NTRK2: variants seen among roughly 807,000 people sequenced by gnomAD.
The protein encoded by NTRK2 is neurotrophic receptor tyrosine kinase 2.
A neutral mutation model predicts 94.5 loss-of-function variants in NTRK2; 13 were observed. The observed-to-expected ratio is 0.14, with a 90% CI of 0.09 to 0.22. The LOEUF (loss-of-function observed/expected upper bound fraction) is 0.22, where lower values mean the gene tolerates loss of function less well. NTRK2 is among the 10% of genes least tolerant of loss of function. The probability of loss-of-function intolerance (pLI) is 1.00; values close to 1 mark genes in which losing one functional copy is unlikely to be tolerated. For synonymous variants in NTRK2, 372 were observed against 407.4 expected, an observed-to-expected ratio of 0.91 and a Z score of 1.05; for missense variants, 639 against 1,071.2, an observed-to-expected ratio of 0.60 and a Z score of 5.63.
intron 14 of NTRK2, 105 bp from the exon 15 acceptor site, chr9:84,934,057 A>G: frequency 8.1e-7 from 1 of 1,239,808 alleles, no homozygotes. Context: ...CACAGAGGAG[A>G]GACTCTTGGG....
At chr9:84,876,141 C>A (rs568362282) in intron 14 of NTRK2, 2 of 1,039,386 alleles carry the variant, frequency 1.9e-6, no homozygotes, top group South Asian at 4.6e-5. Context: ...TAAAGTGGAA[C>A]CCAAGCTCCT....
At chr9:85,009,752 A>C (rs1215805876) in intron 17 of NTRK2, among the ~76,000 whole-genome samples, 2 of 152,178 alleles carry the variant, frequency 1.3e-5, no homozygotes, top group African/African-American at 4.8e-5. Flanking sequence ...CATATATCAG[A>C]GATAGCAGAA....
At chr9:85,005,929 G>C (rs1830913010) in intron 17 of NTRK2, among the ~76,000 whole-genome samples, 1 of 152,168 alleles carries the variant, frequency 6.6e-6, no homozygotes, top group African/African-American at 2.4e-5. Context: ...CCTAGTATTT[G>C]TTTATTTACA....
At chr9:84,960,527 A>G (rs1564504692) in intron 17 of NTRK2, among the ~76,000 whole-genome samples, 1 of 152,168 alleles carries the variant, frequency 6.6e-6, no homozygotes, top group African/African-American at 2.4e-5. Context: ...AGGTAGGTGG[A>G]TGGATGGATG....
intron 14 of NTRK2, among the ~76,000 whole-genome samples, chr9:84,892,699 A>G (rs2076630411): frequency 6.6e-6 from 1 of 152,190 alleles, no homozygotes; most frequent in Non-Finnish European, 1.5e-5. Flanking sequence ...GGCAGGTGGA[A>G]CACCTGAGGT....
intron 17 of NTRK2, among the ~76,000 whole-genome samples, chr9:84,994,736 A>G (rs1025464418): frequency 2.0e-5 from 3 of 152,164 alleles, no homozygotes; most frequent in African/African-American, 7.2e-5. Context: ...CAGAATGGTC[A>G]TGTATTTGCT....
At chr9:84,901,268 A>T (rs551790150) in intron 14 of NTRK2, among the ~76,000 whole-genome samples, 1 of 143,062 alleles carries the variant, frequency 7.0e-6, no homozygotes, top group East Asian at 2.0e-4. Context: ...TGTCACCCAG[A>T]CTGAAGTGCA....
At chr9:84,766,884 C>T (rs970829175) in intron 12 of NTRK2, among the ~76,000 whole-genome samples, 2 of 152,118 alleles carry the variant, frequency 1.3e-5, no homozygotes, top group African/African-American at 4.8e-5. Flanking sequence ...CACACACATA[C>T]ACACAAGACC....
chr9:84,873,980 A>G (rs1336066463), intron 14 of NTRK2: 1 of 1,063,232 alleles, frequency 9.4e-7, no homozygotes, highest in African/African-American at 1.6e-5. Flanking sequence ...TCCTGCACAT[A>G]TCAGACATTT....
At position 84,793,518 on chromosome 9, in the gene NTRK2, C is replaced by T. The variant is rs571009506; in HGVS notation, c.1396+41433C>T. On this transcript the variant is annotated intron_variant, in intron 12 of 18. Coordinates refer to ENST00000277120, the MANE Select transcript of NTRK2 (RefSeq NM_006180.6). Reference sequence around the variant, plus strand: ...CCACCTGGAATCTTCCCAACCGAGTCCCACAAACACCTCACTGCCTCAGCC... The same window carrying T: ...CCACCTGGAATCTTCCCAACCGAGTTCCACAAACACCTCACTGCCTCAGCC... Among the ~76,000 whole-genome samples, 29 of 152,274 alleles carry T rather than the reference C, an allele frequency of 1.9e-4. No individual in the cohort carries two copies. In the South Asian group the frequency reaches 6.0e-3, roughly 32 times the overall value.
chr9:85,004,053 G>GAAAGAAAGAAA, intron 17 of NTRK2, among the ~76,000 whole-genome samples: 1 of 64,900 alleles, frequency 1.5e-5, no homozygotes, highest in Admixed American at 1.6e-4. Flanking sequence ...AAGGGAGAAA[G>GAAAGAAAGAAA]AGAAAGAAAG....
chr9:84,735,833 C>T (rs534592933), intron 9 of NTRK2, among the ~76,000 whole-genome samples: 22 of 152,348 alleles, frequency 1.4e-4, no homozygotes, highest in Non-Finnish European at 2.8e-4. Flanking sequence ...AAAATCCCTT[C>T]ATGAACCAGA....
At chr9:84,812,774 A>G in intron 12 of NTRK2, 1 of 1,040,272 alleles carries the variant, frequency 9.6e-7, no homozygotes, top group Non-Finnish European at 1.2e-6. Context: ...GAAAAATAAA[A>G]AAAAAGGAAT....
chr9:84,818,799 G>A lies in NTRK2; in HGVS notation c.1397-42241G>A, dbSNP rs186623792. ...CGAGTGGAAAGGGCCTGGTGGGAAG[G>A]GGTGTGGAGGACACGTCCTGCCATC... On this transcript the variant is annotated intron_variant, in intron 12 of 18. Transcript: ENST00000277120. Among the ~76,000 whole-genome samples the A allele has an allele frequency of 5.3e-4, 80 of 152,312 alleles. 1 individual carries two copies. The highest frequency in any genetic ancestry group is 1.9e-3 in the African/African-American group (78 of 41,564).
chr9:84,875,122 T>A (rs1381741192), intron 14 of NTRK2: 4 of 1,060,350 alleles, frequency 3.8e-6, no homozygotes, highest in Non-Finnish European at 4.6e-6. Flanking sequence ...CTTGTGGATA[T>A]CCTTTTAATC....
intron 14 of NTRK2, chr9:84,877,488 T>C: frequency 9.4e-7 from 1 of 1,066,378 alleles, no homozygotes; most frequent in African/African-American, 1.6e-5. Flanking sequence ...CATCTGTGTA[T>C]TACTGTGATT....
chr9:84,919,224 GT>G (rs775851352), intron 14 of NTRK2, among the ~76,000 whole-genome samples: 2 of 152,062 alleles, frequency 1.3e-5, no homozygotes, highest in Non-Finnish European at 2.9e-5. Flanking sequence ...AGACCCTTTT[GT>G]GTCTATAAAG....
rs556359561 is a variant in NTRK2 at position 84,746,550 on chromosome 9, G to T, written c.1296+1477G>T. Among the ~76,000 whole-genome samples the T allele has an allele frequency of 5.1e-4, 78 of 152,198 alleles. 1 individual carries two copies. The Middle Eastern group carries it at 0.024, about 46-fold the overall frequency. ...ATTTTTTTTGTTGTTATAATTCTCA[G>T]AGTCCTCTCACTGCAATTGCAATAA... On this transcript the variant is annotated intron_variant, in intron 11 of 18. Coordinates refer to ENST00000277120, the MANE Select transcript of NTRK2 (RefSeq NM_006180.6).
In NTRK2 at chr9:84,862,014, C is replaced by A. The variant is rs117526040; in HGVS notation, c.1444+927C>A. ...GTCAGACCTTGTCTTGTTGGGCAGT[C>A]TCTATCACTGTCTGTCCAGTGATCC... is the stretch of plus-strand genomic sequence containing the variant. On this transcript the variant is annotated intron_variant, in intron 13 of 18. Coordinates refer to ENST00000277120, the MANE Select transcript of NTRK2 (RefSeq NM_006180.6). Among the ~76,000 whole-genome samples the A allele has an allele frequency of 8.8e-4, 134 of 152,300 alleles. 2 individuals are homozygous for A. The East Asian group carries it at 0.023, about 27-fold the overall frequency.
Sources: allele counts gnomAD v4.1 joint callset (sites outside exome capture counted in the v4.1 genomes callset), GRCh38; gene constraint gnomAD v4.1.1; transcripts MANE v1.5; gene names NCBI Gene and HGNC (gene_info 2026-07-23, HGNC 2026-07-21).